The following CCDC91 variants were observed in gnomAD, a reference collection of about 807,000 sequenced individuals.
CCDC91 encodes coiled-coil domain containing 91.
In CCDC91, 48 loss-of-function variants were observed where a neutral mutation model predicts 63.2. The observed-to-expected ratio is 0.76, with a 90% CI of 0.60 to 0.97. The LOEUF is 0.97. Ranked by LOEUF, CCDC91 falls within the 50% of genes least tolerant of loss-of-function variation. The pLI, the probability that CCDC91 is intolerant of heterozygous loss-of-function variation, is 0.00. For missense variants in CCDC91, 500 were observed against 494.6 expected (o/e 1.01, Z -0.10); for synonymous variants, 167 against 165.8 (o/e 1.01, Z -0.06).
At chr12:28,524,111 A>G (rs1211557324) in intron 12 of CCDC91, among the ~76,000 whole-genome samples, 4 of 151,964 alleles carry the variant, frequency 2.6e-5, no homozygotes, top group African/African-American at 7.2e-5. Flanking sequence ...CTCTCGGCCA[A>G]AATTCTTTCT....
intron 6 of CCDC91, among the ~76,000 whole-genome samples, chr12:28,362,125 C>G (rs577278732): frequency 6.6e-6 from 1 of 152,064 alleles, no homozygotes; most frequent in South Asian, 2.1e-4. Flanking sequence ...CGCAGGGTTT[C>G]CCATCTCTTG....
At chr12:28,289,444 A>T (rs568177394) in intron 3 of CCDC91, among the ~76,000 whole-genome samples, 25 of 152,202 alleles carry the variant, frequency 1.6e-4, no homozygotes, top group Admixed American at 6.5e-4. Flanking sequence ...ATTTACCCAA[A>T]GTTATTCAGG....
intron 6 of CCDC91, among the ~76,000 whole-genome samples, chr12:28,361,441 C>G (rs543823444): frequency 5.3e-4 from 81 of 152,146 alleles, no homozygotes; most frequent in African/African-American, 1.8e-3. Context: ...GATTTATCAT[C>G]TTACTACTTG....
chr12:28,317,628 A>G (rs527619064), intron 6 of CCDC91, among the ~76,000 whole-genome samples: 1 of 152,098 alleles, frequency 6.6e-6, no homozygotes, highest in South Asian at 2.1e-4. Context: ...AAAATTGATC[A>G]TACATTTGCC....
chr12:28,198,301 T>G (rs1462807728), intron 1 of CCDC91, among the ~76,000 whole-genome samples: 2 of 152,190 alleles, frequency 1.3e-5, no homozygotes, highest in Admixed American at 6.5e-5. Context: ...AGTGCTGCAG[T>G]GTTATGCAAG....
intron 8 of CCDC91, among the ~76,000 whole-genome samples, chr12:28,424,013 A>G (rs1948164187): frequency 6.6e-6 from 1 of 152,088 alleles, no homozygotes; most frequent in Admixed American, 6.6e-5. Flanking sequence ...ATGGAACTTC[A>G]TACTCCTGAT....
chr12:28,411,896 A>G (rs1947339925), intron 8 of CCDC91, among the ~76,000 whole-genome samples: 1 of 152,184 alleles, frequency 6.6e-6, no homozygotes, highest in Non-Finnish European at 1.5e-5. Flanking sequence ...AGAAGAAGGC[A>G]TCACACCATT....
intron 11 of CCDC91, among the ~76,000 whole-genome samples, chr12:28,457,229 G>A (rs918445356): frequency 5.3e-5 from 8 of 151,906 alleles, no homozygotes; most frequent in African/African-American, 1.9e-4. Context: ...TCTTTTAGGT[G>A]TTTGGCAGCT....
At chr12:28,519,898 C>T (rs1940416846) in intron 12 of CCDC91, among the ~76,000 whole-genome samples, 1 of 152,006 alleles carries the variant, frequency 6.6e-6, no homozygotes. Flanking sequence ...AGGACATGAA[C>T]TCTTCCTTTT....
At chr12:28,503,866 A>T (rs1288569105) in intron 12 of CCDC91, among the ~76,000 whole-genome samples, 1 of 151,770 alleles carries the variant, frequency 6.6e-6, no homozygotes, top group Non-Finnish European at 1.5e-5. Context: ...GTTCTCACTC[A>T]TAGGTAGGAA....
rs549053228 is a variant in CCDC91, at chr12:28,467,490, G to C, written c.1101+14836G>C. 5.3e-5 allele frequency among the ~76,000 whole-genome samples: 8 copies of C among 151,920 alleles called. No individual in the cohort carries two copies. The East Asian group carries it at 1.5e-3, about 29-fold the overall frequency. ...TATTAGAGCTAAAGAGAGAGAGAGA[G>C]AGACTCCAGTAAAATAGTAGCTGAA... is the stretch of plus-strand genomic sequence containing the variant. On this transcript the variant is annotated intron_variant, in intron 11 of 12. Coordinates refer to ENST00000536442, the MANE Select transcript of CCDC91 (RefSeq NM_018318.5).
rs184095226 is a variant in CCDC91, at chr12:28,314,728, A to G, written c.576+6979A>G. Among the ~76,000 whole-genome samples the G allele has an allele frequency of 7.6e-3, 1,156 of 152,180 alleles. 19 individuals are homozygous for G. The highest frequency in any genetic ancestry group is 0.027 in the African/African-American group (1,123 of 41,568). ...TTAATAAATGGAATGTGTGTAAAAA[A>G]TGAAACAATAAGGATTTTATATTTT... is the stretch of plus-strand genomic sequence containing the variant. On this transcript the variant is annotated intron_variant, in intron 6 of 12. Coordinates refer to ENST00000536442, the MANE Select transcript of CCDC91 (RefSeq NM_018318.5).
intron 12 of CCDC91, among the ~76,000 whole-genome samples, chr12:28,523,213 C>T (rs982776381): frequency 2.0e-5 from 3 of 152,112 alleles, no homozygotes; most frequent in African/African-American, 7.2e-5. Context: ...GAGTCTAAGT[C>T]TCTTTGTAGG....
At chr12:28,207,255 A>C (rs1301460640) in intron 1 of CCDC91, among the ~76,000 whole-genome samples, 1 of 152,168 alleles carries the variant, frequency 6.6e-6, no homozygotes, top group South Asian at 2.1e-4. Flanking sequence ...TCTTCTGGGG[A>C]GAAACTTCTC....
intron 8 of CCDC91, among the ~76,000 whole-genome samples, chr12:28,401,661 A>G (rs1351682124): frequency 1.3e-5 from 2 of 152,176 alleles, no homozygotes; most frequent in Non-Finnish European, 2.9e-5. Flanking sequence ...TGATTCAGTT[A>G]TCTCCACCTG....
chr12:28,210,547 A>C (rs574681625), intron 1 of CCDC91, among the ~76,000 whole-genome samples: 29 of 152,294 alleles, frequency 1.9e-4, no homozygotes, highest in African/African-American at 6.3e-4. Flanking sequence ...GAACAGGGCC[A>C]GGAAAGGGTC....
chr12:28,212,170 G>A (rs992044835), intron 1 of CCDC91, among the ~76,000 whole-genome samples: 1 of 152,112 alleles, frequency 6.6e-6, no homozygotes, highest in South Asian at 2.1e-4. Context: ...CCTGGGGGTC[G>A]TTAGAAGCTC....
At chr12:28,241,995 C>CAAAAAAAAAAAAAAAAA (rs1209663723) in intron 1 of CCDC91, among the ~76,000 whole-genome samples, 1 of 41,420 alleles carries the variant, frequency 2.4e-5, no homozygotes, top group Non-Finnish European at 5.7e-5. Context: ...GACTCCTTCT[C>CAAAAAAAAAAAAAAAAA]AAAAAAAAAA....
intron 8 of CCDC91, among the ~76,000 whole-genome samples, chr12:28,439,971 A>T (rs1949101926): frequency 7.2e-6 from 1 of 139,804 alleles, no homozygotes; most frequent in Admixed American, 7.5e-5. Context: ...TCAATTTGCT[A>T]AAAAAAAAAA....
Sources: allele counts gnomAD v4.1 joint callset (sites outside exome capture counted in the v4.1 genomes callset), GRCh38; gene constraint gnomAD v4.1.1; transcripts MANE v1.5; gene names NCBI Gene and HGNC (gene_info 2026-07-23, HGNC 2026-07-21).